CTNNBIP1: variants seen among roughly 807,000 people sequenced by gnomAD.
CTNNBIP1 encodes beta-catenin-interacting protein 1.
CTNNBIP1 carries 7 observed loss-of-function variants against 11.8 expected under a neutral mutation model. The ratio of observed to expected loss-of-function variants is 0.60; its 90% CI spans 0.34 to 1.12. The LOEUF is 1.12. Among genes scored for constraint, CTNNBIP1 ranks in the 50% most tolerant of loss-of-function variants. The probability of loss-of-function intolerance (pLI) is 0.03; values close to 1 mark genes in which losing one functional copy is unlikely to be tolerated. For missense variants in CTNNBIP1, 101 were observed against 113.4 expected, an observed-to-expected ratio of 0.89 and a Z score of 0.50; for synonymous variants, 58 against 43.9, an observed-to-expected ratio of 1.32 and a Z score of -1.26.
rs796131570 is a variant in CTNNBIP1, at chr1:9,860,632, A to AG, written c.188-9857_188-9856insC. On this transcript the variant is annotated intron_variant, in intron 5 of 5. Coordinates refer to ENST00000377263, the MANE Select transcript of CTNNBIP1 (RefSeq NM_020248.3). ...ACTTCATCTCTCAAAAAAAAAAAAA[A>AG]AAAGAAAAAAGAATCAGGATTCTTC... Among the ~76,000 whole-genome samples the AG allele has an allele frequency of 8.7e-3, 1,320 of 150,908 alleles. 19 individuals are homozygous for AG. The highest frequency in any genetic ancestry group is 0.03 in the African/African-American group (1,216 of 40,986).
intron 5 of CTNNBIP1, among the ~76,000 whole-genome samples, chr1:9,866,911 T>G (rs543129036): frequency 1.3e-5 from 2 of 152,092 alleles, no homozygotes; most frequent in Admixed American, 6.5e-5. Context: ...TAGGATGGAC[T>G]CAGTAACCCA....
chr1:9,867,457 T>G lies in CTNNBIP1; in HGVS notation c.187+3730A>C, dbSNP rs948137637. Among the ~76,000 whole-genome samples the G allele has an allele frequency of 2.0e-5, 3 of 152,140 alleles. No homozygotes were observed. Among genetic ancestry groups the G allele is most frequent in the African/African-American group, 7.2e-5 (3 of 41,434 alleles). ...TCAAGTAAGGGAGCAGTGCCCCAGG[T>G]ACCAGACCCATCCAGCCCTGGAGGG... On this transcript the variant is annotated intron_variant, in intron 5 of 5. Coordinates refer to ENST00000377263, the MANE Select transcript of CTNNBIP1 (RefSeq NM_020248.3). This position sits in a 1 kb window ranked among gnomAD's most constrained non-coding sequence, Gnocchi z 4.6.
intron 1 of CTNNBIP1, among the ~76,000 whole-genome samples, chr1:9,898,507 A>C (rs1435022997): frequency 6.6e-6 from 1 of 152,210 alleles, no homozygotes; most frequent in Admixed American, 6.5e-5. Flanking sequence ...CTGGCAACAC[A>C]GCGAGACTGT....
At chr1:9,906,733 C>A (rs1477380710) in intron 1 of CTNNBIP1, among the ~76,000 whole-genome samples, 1 of 152,146 alleles carries the variant, frequency 6.6e-6, no homozygotes, top group Non-Finnish European at 1.5e-5. Flanking sequence ...TGGGTTTACA[C>A]TATATTGCAC....
Position 9,871,365 on chromosome 1 carries a change from C to A in CTNNBIP1, c.97-88G>T. The stretch of plus-strand genomic sequence containing the variant: ...CCCCTAGAGGCACCGCCTAGGCCTG[C>A]TTGGTCCCTGCTTGGTCCCTGCTCG... On this transcript the variant is annotated intron_variant, in intron 4 of 5. Transcript: ENST00000377263. This position sits in a 1 kb window ranked among gnomAD's most constrained non-coding sequence, Gnocchi z 5.2. 3 of 990,830 alleles carry A rather than the reference C, an allele frequency of 3.0e-6. No homozygotes were observed. The highest frequency in any genetic ancestry group is 2.6e-5 in the East Asian group (1 of 38,242). The allele number at this position is 990,830 out of a possible 1,614,324, so 61.4% of individuals were successfully genotyped here. A position where few individuals can be genotyped will look rare whatever the true frequency, so the allele number is the denominator to read the frequency against.
At chr1:9,884,391 A>G (rs769698650) in intron 1 of CTNNBIP1, among the ~76,000 whole-genome samples, 5 of 152,140 alleles carry the variant, frequency 3.3e-5, no homozygotes, top group Admixed American at 6.5e-5. Flanking sequence ...GAGGGAAGAC[A>G]GCCAGGCCTT....
At chr1:9,898,216 G>GA (rs1215637846) in intron 1 of CTNNBIP1, among the ~76,000 whole-genome samples, 1 of 151,452 alleles carries the variant, frequency 6.6e-6, no homozygotes, top group East Asian at 1.9e-4. Context: ...AACTCTGCAT[G>GA]AAAAAATATA....
At chr1:9,907,621 G>C (rs1639643500) in intron 1 of CTNNBIP1, among the ~76,000 whole-genome samples, 1 of 152,216 alleles carries the variant, frequency 6.6e-6, no homozygotes. Context: ...ATGAAACCCA[G>C]TGTATTATGC....
intron 5 of CTNNBIP1, among the ~76,000 whole-genome samples, chr1:9,857,117 A>G (rs1361303036): frequency 1.3e-5 from 2 of 149,094 alleles, no homozygotes; most frequent in African/African-American, 4.9e-5. Context: ...GTGAGATGCC[A>G]TCTCAAAAAC....
intron 5 of CTNNBIP1, among the ~76,000 whole-genome samples, chr1:9,852,112 A>C (rs930675048): frequency 1.3e-5 from 2 of 152,092 alleles, no homozygotes; most frequent in South Asian, 2.1e-4. Flanking sequence ...GGGGAGTGTG[A>C]AGTGAGGCTC....
chr1:9,853,649 C>T (rs967920070), intron 5 of CTNNBIP1, among the ~76,000 whole-genome samples: 2 of 152,210 alleles, frequency 1.3e-5, no homozygotes, highest in Non-Finnish European at 2.9e-5. Context: ...CCCTGTTTTA[C>T]AGATGAAGCT....
chr1:9,894,121 C>G (rs2101531864), intron 1 of CTNNBIP1, among the ~76,000 whole-genome samples: 1 of 152,134 alleles, frequency 6.6e-6, no homozygotes, highest in East Asian at 1.9e-4. Context: ...AAGAACAGTA[C>G]AAGAACATCC....
In CTNNBIP1 at chr1:9,897,600, C is replaced by T. The variant is rs534968981; in HGVS notation, c.-144+12495G>A. Among the ~76,000 whole-genome samples the T allele has an allele frequency of 1.3e-4, 19 of 151,224 alleles. 1 individual carries two copies. The South Asian group carries it at 3.4e-3, about 27-fold the overall frequency. On this transcript the variant is annotated intron_variant, in intron 1 of 5. Transcript: ENST00000377263. ...CCAGGAGGCGGAGGTTGCAGTGAGC[C>T]GAGATCCTGCTATTGCACTCCAGCC...
At chr1:9,906,457 C>T (rs1639622358) in intron 1 of CTNNBIP1, among the ~76,000 whole-genome samples, 1 of 152,124 alleles carries the variant, frequency 6.6e-6, no homozygotes, top group African/African-American at 2.4e-5. Flanking sequence ...ACTTGGGAGG[C>T]TGAGGCAGGA....
rs1397551593 is a variant in CTNNBIP1 at position 9,867,468 on chromosome 1, T to A, written c.187+3719A>T. 6.6e-6 allele frequency among the ~76,000 whole-genome samples: 1 copy of A among 152,140 alleles called. No homozygotes were observed. The highest frequency in any genetic ancestry group is 1.5e-5 in the Non-Finnish European group (1 of 67,996). On this transcript the variant is annotated intron_variant, in intron 5 of 5. Coordinates refer to ENST00000377263, the MANE Select transcript of CTNNBIP1 (RefSeq NM_020248.3). The surrounding 1 kb of genome is among the most constrained non-coding windows in gnomAD (Gnocchi z 4.6). The stretch of plus-strand genomic sequence containing the variant: ...AGCAGTGCCCCAGGTACCAGACCCA[T>A]CCAGCCCTGGAGGGGAAGCATGTGC...
chr1:9,909,161 G>T (rs1423332755), intron 1 of CTNNBIP1, among the ~76,000 whole-genome samples: 1 of 152,200 alleles, frequency 6.6e-6, no homozygotes, highest in Non-Finnish European at 1.5e-5. Flanking sequence ...GACAAACCAT[G>T]ACTTGCCTCC....
At chr1:9,854,316 T>C (rs1231369014) in intron 5 of CTNNBIP1, among the ~76,000 whole-genome samples, 1 of 144,628 alleles carries the variant, frequency 6.9e-6, no homozygotes, top group Non-Finnish European at 1.5e-5. Context: ...TGCAGTGAGC[T>C]GAGATCGCGC....
intron 5 of CTNNBIP1, among the ~76,000 whole-genome samples, chr1:9,868,037 T>C (rs752265159): frequency 2.5e-4 from 38 of 152,292 alleles, no homozygotes; most frequent in Non-Finnish European, 4.0e-4. Context: ...AGAAAATAAA[T>C]ATGCTTATGA....
intron 3 of CTNNBIP1, among the ~76,000 whole-genome samples, chr1:9,876,169 C>G (rs769824444): frequency 6.6e-6 from 1 of 152,186 alleles, no homozygotes; most frequent in East Asian, 1.9e-4. Context: ...AGTCCTTGAA[C>G]GTGAGAACCA....
Sources: gnomAD v4.1 joint callset for allele counts (sites outside exome capture counted in the v4.1 genomes callset) on GRCh38, gnomAD v4.1.1 for gene constraint, Gnocchi (gnomAD v3.1) non-coding constraint, MANE v1.5 for transcripts, NCBI Gene and HGNC (gene_info 2026-07-23, HGNC 2026-07-21) for gene names.